The following OTOA variants were observed in gnomAD, a reference collection of about 807,000 sequenced individuals.
OTOA encodes otoancorin, also known as cancer/testis antigen 108.
A neutral mutation model predicts 110.8 loss-of-function variants in OTOA; 70 were observed. That is an observed-to-expected ratio of 0.63 (90% CI 0.52 to 0.77). The LOEUF (loss-of-function observed/expected upper bound fraction) is 0.77. Among genes scored for constraint, OTOA ranks in the 30% least tolerant of loss-of-function variants. The pLI, the probability that OTOA is intolerant of heterozygous loss-of-function variation, is 0.00. For synonymous variants in OTOA, 373 were observed against 431.5 expected (o/e 0.86, Z 1.68); for missense variants, 917 against 1,075.8 (o/e 0.85, Z 2.06).
intron 6 of OTOA, chr16:21,684,567 G>A (rs1567366001): frequency 1.3e-6 from 2 of 1,539,570 alleles, no homozygotes; most frequent in East Asian, 2.5e-5. Flanking sequence ...GCCATGGAAT[G>A]GGGGAATCGG....
Position 21,697,893 on chromosome 16 carries a change from A to G in OTOA, c.840+18A>G. On this transcript the variant is annotated intron_variant, in intron 10 of 28. Coordinates refer to ENST00000646100, the MANE Select transcript of OTOA (RefSeq NM_144672.4). ...CTATAGAAGTAAGTTGGAAAAGTAC[A>G]TTTATATGTCACCATTACTAATACA... The G allele has an allele frequency of 6.3e-7, 1 of 1,582,648 alleles. No homozygotes were observed. The highest frequency in any genetic ancestry group is 1.3e-5 in the African/African-American group (1 of 74,362).
chr16:21,702,210 A>G (rs1898067349), intron 11 of OTOA, among the ~76,000 whole-genome samples: 1 of 152,172 alleles, frequency 6.6e-6, no homozygotes, highest in African/African-American at 2.4e-5. Context: ...TTGGACTTCC[A>G]AAGTGCTGAG....
chr16:21,689,134 A>G (rs1897779192), intron 8 of OTOA, among the ~76,000 whole-genome samples: 1 of 151,784 alleles, frequency 6.6e-6, no homozygotes, highest in African/African-American at 2.4e-5. Flanking sequence ...ACCACCGCCA[A>G]CTCCCTCCTT....
chr16:21,728,652 G>A (rs1166276845), intron 20 of OTOA, among the ~76,000 whole-genome samples: 3 of 150,706 alleles, frequency 2.0e-5, no homozygotes, highest in East Asian at 2.0e-4. Flanking sequence ...ACAGTGGCAC[G>A]ACCTTGGCTC....
intron 8 of OTOA, among the ~76,000 whole-genome samples, chr16:21,688,727 G>T (rs754829607): frequency 6.6e-6 from 1 of 151,966 alleles, no homozygotes; most frequent in Non-Finnish European, 1.5e-5. Flanking sequence ...TTTTATAAGG[G>T]CACTAATCCC....
chr16:21,711,967 C>A (rs1371695773), intron 13 of OTOA, among the ~76,000 whole-genome samples: 3 of 152,148 alleles, frequency 2.0e-5, no homozygotes, highest in Admixed American at 2.0e-4. Context: ...ATTATAATTG[C>A]TAAACTGTGA....
chr16:21,668,055 C>A (rs1366134006), intron 1 of OTOA, among the ~76,000 whole-genome samples: 2 of 152,052 alleles, frequency 1.3e-5, no homozygotes, highest in Non-Finnish European at 2.9e-5. Context: ...AACAATAATT[C>A]TTTAAAATCT....
At chr16:21,672,325 A>G (rs1966850320) in intron 1 of OTOA, among the ~76,000 whole-genome samples, 3 of 152,128 alleles carry the variant, frequency 2.0e-5, no homozygotes. Flanking sequence ...TTATTTATTT[A>G]AAAAATTGAC....
chr16:21,665,223 G>A (rs1966837643), intron 1 of OTOA, among the ~76,000 whole-genome samples: 1 of 152,120 alleles, frequency 6.6e-6, no homozygotes, highest in South Asian at 2.1e-4. Context: ...GCTGACACTG[G>A]AGAGCAAAGC....
Position 21,697,193 on chromosome 16 carries a change from A to G in OTOA, c.740-582A>G, listed in dbSNP as rs150853038. 9.6e-4 allele frequency among the ~76,000 whole-genome samples: 146 copies of G among 152,142 alleles called. 1 individual carries two copies. The highest frequency in any genetic ancestry group is 5.0e-3 in the Admixed American group (76 of 15,260). On this transcript the variant is annotated intron_variant, in intron 9 of 28. Coordinates refer to ENST00000646100, the MANE Select transcript of OTOA (RefSeq NM_144672.4). ...CCAGAAAGAATAATCTGTATTTCTA[A>G]CAAGTGGCCAGGTGACACAGATGTT... is the stretch of plus-strand genomic sequence containing the variant.
intron 8 of OTOA, among the ~76,000 whole-genome samples, chr16:21,688,304 G>A (rs1897760565): frequency 6.6e-6 from 1 of 152,148 alleles, no homozygotes; most frequent in East Asian, 1.9e-4. Flanking sequence ...CAGGAGAATT[G>A]CTTGAACCTG....
At chr16:21,667,377 G>A (rs751532665) in intron 1 of OTOA, among the ~76,000 whole-genome samples, 4 of 152,190 alleles carry the variant, frequency 2.6e-5, no homozygotes, top group African/African-American at 4.8e-5. Flanking sequence ...GATGGCGGCT[G>A]GGCGCGGTGG....
intron 1 of OTOA, among the ~76,000 whole-genome samples, chr16:21,666,746 A>G (rs1966840866): frequency 6.6e-6 from 1 of 152,096 alleles, no homozygotes; most frequent in Non-Finnish European, 1.5e-5. Context: ...AGAGAAAGCT[A>G]TCGACCTCCA....
chr16:21,718,524 C>T (rs1246799645), intron 15 of OTOA, among the ~76,000 whole-genome samples: 1 of 152,114 alleles, frequency 6.6e-6, no homozygotes, highest in Non-Finnish European at 1.5e-5. Context: ...TTTATTCTGT[C>T]TGGGGAATGA....
rs1471168599 is a variant in OTOA at position 21,722,976 on chromosome 16, C to A, written c.1878C>A (p.Leu626=). 6.2e-7 allele frequency: 1 copy of A among 1,614,010 alleles called. No individual in the cohort carries two copies. The highest frequency in any genetic ancestry group is 2.2e-5 in the East Asian group (1 of 44,880). ...LSMPPFLLAA[L]PARYLASVPA... ...TGCCACCTTTCCTCTTGGCTGCACTCCCGTAAGTGAACATCAGCCCCCACC... is the reference window on the plus strand; with the variant it reads ...TGCCACCTTTCCTCTTGGCTGCACTACCGTAAGTGAACATCAGCCCCCACC... The change falls in exon 18 of 29, where the codon CTC becomes CTA. Residue 626 remains leucine (L), a splice_region_variant and synonymous_variant. Transcript: ENST00000646100.
In OTOA at chr16:21,736,453, C is replaced by T. The variant is rs1899303599; in HGVS notation, c.2431+63C>T. On this transcript the variant is annotated intron_variant, in intron 22 of 28. Coordinates refer to ENST00000646100, the MANE Select transcript of OTOA (RefSeq NM_144672.4). ...AGTAATTAATGTTTTGGGCAGGGTC[C>T]CTGACATCAAGAGGCCTCCTTATGC... 6 of 1,602,494 alleles carry T rather than the reference C, an allele frequency of 3.7e-6. No homozygotes were observed. The Admixed American group carries it at 6.7e-5, about 18-fold the overall frequency.
chr16:21,733,823 G>A (rs1200749285), intron 21 of OTOA, among the ~76,000 whole-genome samples: 1 of 152,020 alleles, frequency 6.6e-6, no homozygotes, highest in Non-Finnish European at 1.5e-5. Flanking sequence ...TTTTTGAGAT[G>A]GAGTCTAGCT....
chr16:21,757,722 G>A (rs1359207233), intron 28 of OTOA, among the ~76,000 whole-genome samples: 7 of 151,938 alleles, frequency 4.6e-5, no homozygotes, highest in African/African-American at 1.5e-4. Flanking sequence ...AGGCTCAAGC[G>A]ATCCTCCCAC....
chr16:21,700,850 C>T, intron 10 of OTOA, 38 bp from the exon 11 acceptor site: 1 of 1,613,056 alleles, frequency 6.2e-7, no homozygotes, highest in African/African-American at 1.3e-5. Context: ...CCACTTCCAC[C>T]CTCCTCACTG....
Sources: allele counts gnomAD v4.1 joint callset (sites outside exome capture counted in the v4.1 genomes callset), GRCh38; gene constraint gnomAD v4.1.1; transcripts MANE v1.5; gene names NCBI Gene and HGNC (gene_info 2026-07-23, HGNC 2026-07-21).